Variants in FRMD4B observed in about 807,000 individuals in gnomAD.
FRMD4B encodes the protein FERM domain containing 4B, also known as FERM domain-containing protein 4B.
In FRMD4B, 74 loss-of-function variants were observed where a neutral mutation model predicts 141.5. The ratio of observed to expected loss-of-function variants is 0.52; its 90% CI spans 0.43 to 0.63. The LOEUF is 0.63. Ranked by LOEUF, FRMD4B falls within the 30% of genes least tolerant of loss-of-function variation. The pLI, the probability that FRMD4B is intolerant of heterozygous loss-of-function variation, is 0.00. For synonymous variants in FRMD4B, 506 were observed against 467.9 expected (o/e 1.08, Z -1.05); for missense variants, 1,366 against 1,253.4 (o/e 1.09, Z -1.36).
rs76390165 is a variant in FRMD4B at position 69,330,131 on chromosome 3, T to G, written c.163-16614A>C. ...GGTGTTTTCCTAGCCCCTAAGACAG[T>G]GCTTAGCTCATCCTGGGGCTCGACA... is the stretch of plus-strand genomic sequence containing the variant. On this transcript the variant is annotated intron_variant, in intron 1 of 22. Transcript: ENST00000398540. 3.9e-3 allele frequency among the ~76,000 whole-genome samples: 586 copies of G among 152,058 alleles called. 6 individuals are homozygous for G. The highest frequency in any genetic ancestry group is 0.012 in the African/African-American group (504 of 41,456).
intron 2 of FRMD4B, among the ~76,000 whole-genome samples, chr3:69,419,026 C>G (rs1704924111): frequency 6.6e-6 from 1 of 152,002 alleles, no homozygotes; most frequent in African/African-American, 2.4e-5. Flanking sequence ...TCAACTGCAC[C>G]AAATGGCCAG....
chr3:69,501,178 A>T (rs1441741667), intron 1 of FRMD4B, among the ~76,000 whole-genome samples: 1 of 151,628 alleles, frequency 6.6e-6, no homozygotes, highest in Non-Finnish European at 1.5e-5. Flanking sequence ...ACAGCCCAAC[A>T]CAAATTTGTA....
At chr3:69,384,694 G>A (rs75886415) in intron 1 of FRMD4B, among the ~76,000 whole-genome samples, 3 of 152,310 alleles carry the variant, frequency 2.0e-5, no homozygotes, top group Non-Finnish European at 2.9e-5. Flanking sequence ...GAAAGCACAA[G>A]TTCAAATGTT....
chr3:69,171,601 C>G lies in FRMD4B; in HGVS notation c.*260G>C. On this transcript the variant is annotated 3_prime_UTR_variant, in exon 23 of 23. Coordinates refer to ENST00000398540, the MANE Select transcript of FRMD4B (RefSeq NM_015123.3). ...ATTGATGAAGGCTTCACACTGAGTCCTCTCTTGGCAATACTTCAACATGTG... is the reference window on the plus strand; with the variant it reads ...ATTGATGAAGGCTTCACACTGAGTCGTCTCTTGGCAATACTTCAACATGTG... The G allele has an allele frequency of 2.8e-6, 1 of 355,144 alleles. No homozygotes were observed. The highest frequency in any genetic ancestry group is 5.2e-6 in the Non-Finnish European group (1 of 192,500). 22.0% of individuals were successfully genotyped at this position (355,144 alleles called of 1,614,324 possible). A position where few individuals can be genotyped will look rare whatever the true frequency, so the allele number is the denominator to read the frequency against.
intron 1 of FRMD4B, among the ~76,000 whole-genome samples, chr3:69,367,838 T>C (rs1399510467): frequency 1.3e-5 from 2 of 152,228 alleles, no homozygotes; most frequent in African/African-American, 4.8e-5. Flanking sequence ...TGCTTGGTCA[T>C]AGAGAACAAA....
At position 69,200,748 on chromosome 3, in the gene FRMD4B, G is replaced by T. The variant is rs936952907; in HGVS notation, c.877-1974C>A. The T allele has an allele frequency of 5.0e-5, 57 of 1,131,670 alleles. No homozygotes were observed. In the African/African-American group the frequency reaches 8.3e-4, roughly 16 times the overall value. The allele number at this position is 1,131,670 out of a possible 1,614,324, so 70.1% of individuals were successfully genotyped here. On this transcript the variant is annotated intron_variant, in intron 11 of 22. Coordinates refer to ENST00000398540, the MANE Select transcript of FRMD4B (RefSeq NM_015123.3). Reference sequence around the variant, plus strand: ...TACTTCCTAGGAAGTAAGTTGCTTTGAATCCAAGGACGAATTTCACCGGAG... The same window carrying T: ...TACTTCCTAGGAAGTAAGTTGCTTTTAATCCAAGGACGAATTTCACCGGAG...
intron 1 of FRMD4B, among the ~76,000 whole-genome samples, chr3:69,349,678 C>A (rs1350169613): frequency 1.3e-5 from 2 of 152,138 alleles, no homozygotes; most frequent in African/African-American, 4.8e-5. Flanking sequence ...CACACATCTA[C>A]AACCATCTGA....
At chr3:69,348,180 T>C (rs1703012382) in intron 1 of FRMD4B, among the ~76,000 whole-genome samples, 1 of 152,180 alleles carries the variant, frequency 6.6e-6, no homozygotes, top group Non-Finnish European at 1.5e-5. Flanking sequence ...AAATACAAAC[T>C]ACCATCAGAG....
chr3:69,385,046 T>G (rs1352122259), intron 1 of FRMD4B, among the ~76,000 whole-genome samples: 1 of 151,426 alleles, frequency 6.6e-6, no homozygotes, highest in African/African-American at 2.4e-5. Flanking sequence ...CACAGAACTT[T>G]TAAATTCATA....
chr3:69,297,633 C>G (rs534990441), intron 4 of FRMD4B, among the ~76,000 whole-genome samples: 3 of 152,232 alleles, frequency 2.0e-5, no homozygotes, highest in African/African-American at 7.2e-5. Flanking sequence ...ACGCCAAGGC[C>G]CTGCACTCCT....
At chr3:69,507,643 T>C (rs945084097) in intron 1 of FRMD4B, among the ~76,000 whole-genome samples, 7 of 152,228 alleles carry the variant, frequency 4.6e-5, no homozygotes, top group African/African-American at 1.4e-4. Flanking sequence ...TTGTACATTT[T>C]TCTTTGCACC....
intron 4 of FRMD4B, among the ~76,000 whole-genome samples, chr3:69,297,115 C>G (rs924091788): frequency 6.6e-6 from 1 of 152,094 alleles, no homozygotes; most frequent in Non-Finnish European, 1.5e-5. Context: ...TTATGTGTCA[C>G]GTGTATTTGG....
chr3:69,448,502 G>T (rs531343026), intron 1 of FRMD4B, among the ~76,000 whole-genome samples: 5 of 152,176 alleles, frequency 3.3e-5, no homozygotes, highest in Non-Finnish European at 7.3e-5. Flanking sequence ...GGGAATTCCA[G>T]TTGCTCCATA....
chr3:69,312,524 G>T (rs537404390), intron 2 of FRMD4B, among the ~76,000 whole-genome samples: 1 of 152,214 alleles, frequency 6.6e-6, no homozygotes, highest in African/African-American at 2.4e-5. Flanking sequence ...GGTGTGGCCC[G>T]TCCGCAGGGA....
chr3:69,308,761 A>G (rs1454166657), intron 3 of FRMD4B, among the ~76,000 whole-genome samples: 2 of 151,918 alleles, frequency 1.3e-5, no homozygotes, highest in Non-Finnish European at 2.9e-5. Context: ...CTCGCAAAAA[A>G]CAAATCACAA....
At chr3:69,446,396 G>A (rs919790112) in intron 1 of FRMD4B, among the ~76,000 whole-genome samples, 33 of 151,438 alleles carry the variant, frequency 2.2e-4, no homozygotes, top group African/African-American at 7.8e-4. Context: ...GCAGTGGTGC[G>A]ATCTCAGCTC....
chr3:69,508,931 T>C lies in FRMD4B; in HGVS notation c.-129+33275A>G, dbSNP rs369206694. Among the ~76,000 whole-genome samples the C allele has an allele frequency of 1.1e-4, 16 of 152,304 alleles. No individual in the cohort carries two copies. The East Asian group carries it at 2.5e-3, about 24-fold the overall frequency. On this transcript the variant is annotated intron_variant, in intron 1 of 5. Transcript: ENST00000459638. ...CAATCTCAAGACCACACAGCTAGAA[T>C]GTTGTAGAGCTAGAATTCGAACCCA...
At position 69,193,885 on chromosome 3, in the gene FRMD4B, CA is replaced by C; in HGVS notation, c.1489-13del. ...TGCAAAGCAGGATCCTGCATTTATA[CA>C]ATGATAGTTTTATTTTTATGGACAC... On this transcript the variant is annotated splice_polypyrimidine_tract_variant and intron_variant, in intron 16 of 22. Coordinates refer to ENST00000398540, the MANE Select transcript of FRMD4B (RefSeq NM_015123.3). The C allele has an allele frequency of 1.3e-6, 2 of 1,514,606 alleles. No individual in the cohort carries two copies. Among genetic ancestry groups the C allele is most frequent in the Non-Finnish European group, 1.8e-6 (2 of 1,098,284 alleles). 93.8% of individuals were successfully genotyped at this position (1,514,606 alleles called of 1,614,324 possible). A position where few individuals can be genotyped will look rare whatever the true frequency, so the allele number is the denominator to read the frequency against.
intron 11 of FRMD4B, among the ~76,000 whole-genome samples, chr3:69,208,231 T>C (rs1366520645): frequency 1.3e-5 from 2 of 152,002 alleles, no homozygotes; most frequent in Admixed American, 1.3e-4. Context: ...ACCCGGCTAA[T>C]TTTTTGTATT....
Sources: gnomAD v4.1 joint callset for allele counts (sites outside exome capture counted in the v4.1 genomes callset) on GRCh38, gnomAD v4.1.1 for gene constraint, MANE v1.5 for transcripts, NCBI Gene and HGNC (gene_info 2026-07-23, HGNC 2026-07-21) for gene names.